The following FAM81A variants were observed in gnomAD, a reference collection of about 807,000 sequenced individuals.
FAM81A encodes the protein family with sequence similarity 81 member A.
In FAM81A, 19 loss-of-function variants were observed where a neutral mutation model predicts 46.7. The ratio of observed to expected loss-of-function variants is 0.41; its 90% CI spans 0.28 to 0.60. The LOEUF is 0.60. Ranked by LOEUF, FAM81A falls within the 20% of genes least tolerant of loss-of-function variation. FAM81A has a pLI of 0.34. For missense variants in FAM81A, 377 were observed against 453.5 expected, an observed-to-expected ratio of 0.83 and a Z score of 1.53; for synonymous variants, 183 against 152.9, an observed-to-expected ratio of 1.20 and a Z score of -1.45.
chr15:59,432,434 AAAC>A (rs1178127253), intron 2 of FAM81A, among the ~76,000 whole-genome samples: 1 of 152,242 alleles, frequency 6.6e-6, no homozygotes, highest in Non-Finnish European at 1.5e-5. Context: ...AGGGGAATGA[AAAC>A]AACATTTATT....
chr15:59,449,508 ACG>A (rs2081389653), intron 1 of FAM81A, among the ~76,000 whole-genome samples: 1 of 152,168 alleles, frequency 6.6e-6, no homozygotes, highest in Non-Finnish European at 1.5e-5. Context: ...TAGGCCGGGC[ACG>A]GTGGCTCACG....
intron 1 of FAM81A, among the ~76,000 whole-genome samples, chr15:59,455,689 T>C (rs2081475030): frequency 6.6e-6 from 1 of 152,206 alleles, no homozygotes; most frequent in Admixed American, 6.5e-5. Flanking sequence ...GTCATAGAGC[T>C]GCATAGCGCT....
At chr15:59,492,518 C>A in intron 4 of FAM81A, 129 bp downstream of exon 4, 1 of 706,018 alleles carries the variant, frequency 1.4e-6, no homozygotes, top group Non-Finnish European at 2.3e-6. Flanking sequence ...TCCCTCCCTG[C>A]TTTGGCCATA....
intron 3 of FAM81A, among the ~76,000 whole-genome samples, chr15:59,467,033 T>C (rs2030621295): frequency 6.6e-6 from 1 of 151,996 alleles, no homozygotes; most frequent in South Asian, 2.1e-4. Flanking sequence ...GTGGTATTAT[T>C]TCTGAGGCCT....
intron 3 of FAM81A, among the ~76,000 whole-genome samples, chr15:59,466,739 T>C (rs1295314953): frequency 6.6e-6 from 1 of 152,230 alleles, no homozygotes; most frequent in East Asian, 1.9e-4. Flanking sequence ...TTTTGGCTTT[T>C]ATTGCCATTG....
intron 2 of FAM81A, among the ~76,000 whole-genome samples, chr15:59,408,453 G>C (rs980363975): frequency 6.6e-6 from 1 of 152,156 alleles, no homozygotes; most frequent in African/African-American, 2.4e-5. Context: ...CTAGCACTTT[G>C]GGAGGCTGAG....
chr15:59,468,328 C>T lies in FAM81A; in HGVS notation c.294+8122C>T, dbSNP rs1422560418. Among the ~76,000 whole-genome samples, 8 of 152,188 alleles carry T rather than the reference C, an allele frequency of 5.3e-5. No individual in the cohort carries two copies. In the South Asian group the frequency reaches 1.5e-3, roughly 28 times the overall value. On this transcript the variant is annotated intron_variant, in intron 3 of 8. Coordinates refer to ENST00000288228, the MANE Select transcript of FAM81A (RefSeq NM_152450.3). ...CTCTGGTAGAATTCGGCTGTGAATCCGTCTGGTCCTGGACTTTTTTTGACT... is the reference window on the plus strand; with the variant it reads ...CTCTGGTAGAATTCGGCTGTGAATCTGTCTGGTCCTGGACTTTTTTTGACT...
At chr15:59,496,943 T>A (rs573309258) in intron 4 of FAM81A, among the ~76,000 whole-genome samples, 3 of 151,682 alleles carry the variant, frequency 2.0e-5, no homozygotes, top group African/African-American at 4.9e-5. Context: ...CTGGCCAACA[T>A]GGTGAAATCC....
chr15:59,414,241 A>G (rs1264056404), intron 2 of FAM81A, among the ~76,000 whole-genome samples: 3 of 152,152 alleles, frequency 2.0e-5, no homozygotes, highest in Non-Finnish European at 4.4e-5. Context: ...GGTGTGAGCC[A>G]CCACACCTGG....
At chr15:59,509,073 A>G (rs1270173599) in intron 6 of FAM81A, 104 bp downstream of exon 6, 2 of 855,772 alleles carry the variant, frequency 2.3e-6, no homozygotes, top group African/African-American at 3.5e-5. Context: ...CACAAATTGA[A>G]AACAATAATG....
At chr15:59,407,454 C>T (rs1338448412) in intron 2 of FAM81A, among the ~76,000 whole-genome samples, 1 of 152,016 alleles carries the variant, frequency 6.6e-6, no homozygotes, top group Non-Finnish European at 1.5e-5. Context: ...GCCACCACGC[C>T]CGGGTAATTG....
At chr15:59,491,429 TG>T (rs1217076602) in intron 3 of FAM81A, among the ~76,000 whole-genome samples, 1 of 151,026 alleles carries the variant, frequency 6.6e-6, no homozygotes, top group Non-Finnish European at 1.5e-5. Context: ...AGAAGGATAG[TG>T]GGGGGTGGGG....
chr15:59,480,693 G>A (rs924616629), intron 3 of FAM81A, among the ~76,000 whole-genome samples: 15 of 152,238 alleles, frequency 9.9e-5, no homozygotes, highest in African/African-American at 3.1e-4. Context: ...CACACAGTAG[G>A]TGTGCAAAAA....
intron 3 of FAM81A, among the ~76,000 whole-genome samples, chr15:59,476,870 C>T (rs766952297): frequency 1.3e-5 from 2 of 151,042 alleles, no homozygotes; most frequent in African/African-American, 4.9e-5. Context: ...ACCTGTAATC[C>T]CAGCACTTTG....
rs1448979167 is a variant in FAM81A at position 59,459,994 on chromosome 15, A to G, written c.82A>G (p.Ser28Gly). The G allele has an allele frequency of 6.2e-7, 1 of 1,613,064 alleles. No individual in the cohort carries two copies. Among genetic ancestry groups the G allele is most frequent in the Non-Finnish European group, 8.5e-7 (1 of 1,179,540 alleles). Reference protein sequence around the residue: ...SLTMAPYSSVSLVEQLEDRIL... With the variant: ...SLTMAPYSSVGLVEQLEDRIL... ...GACCATGGCACCATACTCATCTGTAAGCCTCGTGGAGCAGCTGGAAGACAG... is the reference window on the plus strand; with the variant it reads ...GACCATGGCACCATACTCATCTGTAGGCCTCGTGGAGCAGCTGGAAGACAG... The change falls in exon 3 of 9, where the codon AGC becomes GGC. Residue 28 changes from serine to glycine, a missense_variant. Ser to Gly is a moderately conservative substitution (Grantham distance 56). Transcript: ENST00000288228.
At chr15:59,518,294 C>T (rs1463012817) in intron 8 of FAM81A, among the ~76,000 whole-genome samples, 2 of 151,712 alleles carry the variant, frequency 1.3e-5, no homozygotes, top group Non-Finnish European at 1.5e-5. Context: ...TGCCTTTTTA[C>T]CCCTTTATTA....
chr15:59,432,374 T>G (rs2081224217), intron 2 of FAM81A, among the ~76,000 whole-genome samples: 1 of 152,254 alleles, frequency 6.6e-6, no homozygotes, highest in Admixed American at 6.5e-5. Flanking sequence ...AAATAAATTT[T>G]TATAAGTTAC....
chr15:59,435,025 A>G (rs1194425760), upstream of FAM81A, among the ~76,000 whole-genome samples: 2 of 152,246 alleles, frequency 1.3e-5, no homozygotes, highest in Admixed American at 6.5e-5. Flanking sequence ...TTGGTGGCTT[A>G]TGCCTGTAAT....
chr15:59,473,969 G>A (rs1266616122), intron 3 of FAM81A, among the ~76,000 whole-genome samples: 1 of 152,116 alleles, frequency 6.6e-6, no homozygotes, highest in Non-Finnish European at 1.5e-5. Context: ...AAGCTACAGT[G>A]CCCAGCCAGA....
Sources: gnomAD v4.1 joint callset for allele counts (sites outside exome capture counted in the v4.1 genomes callset) on GRCh38, gnomAD v4.1.1 for gene constraint, MANE v1.5 for transcripts, NCBI Gene and HGNC (gene_info 2026-07-23, HGNC 2026-07-21) for gene names.